ENTREP2: variants seen among roughly 807,000 people sequenced by gnomAD.
ENTREP2 encodes endosomal transmembrane epsin interactor 2, also known as protein ENTREP2.
the ENTREP2 span, among the ~76,000 whole-genome samples, chr15:29,379,460 C>T: frequency 6.6e-6 from 1 of 152,186 alleles, no homozygotes; most frequent in Admixed American, 6.6e-5. Context: ...AACCCCTTCT[C>T]CTCTGCCTGG....
chr15:29,661,109 C>A, the ENTREP2 span, among the ~76,000 whole-genome samples: 1 of 152,128 alleles, frequency 6.6e-6, no homozygotes, highest in Non-Finnish European at 1.5e-5. Flanking sequence ...AATTAGTAAA[C>A]AAGGCCAAAG....
At chr15:29,365,441 T>C in the ENTREP2 span, among the ~76,000 whole-genome samples, 1 of 151,892 alleles carries the variant, frequency 6.6e-6, no homozygotes, top group Non-Finnish European at 1.5e-5. Flanking sequence ...TTAGTAGAGA[T>C]GGGATTTCAC....
the ENTREP2 span, chr15:29,195,378 C>T: frequency 3.1e-6 from 3 of 960,830 alleles, no homozygotes; most frequent in Non-Finnish European, 3.7e-6. Flanking sequence ...TTCCTCCTCT[C>T]CCCAGATCCG....
At chr15:29,535,908 G>C in the ENTREP2 span, among the ~76,000 whole-genome samples, 1 of 152,086 alleles carries the variant, frequency 6.6e-6, no homozygotes, top group Non-Finnish European at 1.5e-5. Context: ...CCAGGAAGAA[G>C]AGTGGAAATC....
chr15:29,337,363 C>T, the ENTREP2 span, among the ~76,000 whole-genome samples: 1 of 152,108 alleles, frequency 6.6e-6, no homozygotes, highest in South Asian at 2.1e-4. Context: ...AAAGCTCCAC[C>T]TCAGAGAGCT....
At chr15:29,342,886 G>C in the ENTREP2 span, among the ~76,000 whole-genome samples, 1 of 152,008 alleles carries the variant, frequency 6.6e-6, no homozygotes, top group African/African-American at 2.4e-5. Context: ...TCCCAGTTTG[G>C]TACTTTGCTT....
At chr15:29,513,363 T>A in the ENTREP2 span, among the ~76,000 whole-genome samples, 1 of 152,180 alleles carries the variant, frequency 6.6e-6, no homozygotes, top group African/African-American at 2.4e-5. Context: ...CCACTAAAAG[T>A]GGATGTACTC....
the ENTREP2 span, among the ~76,000 whole-genome samples, chr15:29,498,862 T>G: frequency 6.6e-6 from 1 of 152,200 alleles, no homozygotes; most frequent in Non-Finnish European, 1.5e-5. Flanking sequence ...ATGATTATTG[T>G]GTCCTCTTAA....
chr15:29,593,492 T>C, the ENTREP2 span, among the ~76,000 whole-genome samples: 1 of 152,126 alleles, frequency 6.6e-6, no homozygotes, highest in Non-Finnish European at 1.5e-5. Flanking sequence ...CCCCCTCCCA[T>C]AGGCATACCT....
At chr15:29,382,980 C>A in the ENTREP2 span, among the ~76,000 whole-genome samples, 1 of 152,192 alleles carries the variant, frequency 6.6e-6, no homozygotes, top group Non-Finnish European at 1.5e-5. Context: ...CATCTGGGCT[C>A]CTGTGGCTTC....
the ENTREP2 span, among the ~76,000 whole-genome samples, chr15:29,513,516 GAC>G: frequency 6.6e-6 from 1 of 152,202 alleles, no homozygotes; most frequent in South Asian, 2.1e-4. Flanking sequence ...GTGGAGGGAA[GAC>G]ACAGTGTTGA....
the ENTREP2 span, among the ~76,000 whole-genome samples, chr15:29,315,478 C>A: frequency 3.9e-5 from 6 of 152,138 alleles, no homozygotes; most frequent in African/African-American, 1.4e-4. Flanking sequence ...ATACACTTTT[C>A]ATAAGTAGTA....
the ENTREP2 span, among the ~76,000 whole-genome samples, chr15:29,621,412 A>G: frequency 1.3e-5 from 2 of 149,702 alleles, no homozygotes; most frequent in African/African-American, 2.5e-5. Context: ...AGTCCCAGCT[A>G]CTCGGGAGGC....
chr15:29,561,816 A>C, the ENTREP2 span, among the ~76,000 whole-genome samples: 4 of 152,222 alleles, frequency 2.6e-5, no homozygotes, highest in Admixed American at 2.6e-4. Flanking sequence ...ACGGATGTGA[A>C]GTTGAAAGAG....
chr15:29,465,523 C>T, the ENTREP2 span, among the ~76,000 whole-genome samples: 2 of 152,182 alleles, frequency 1.3e-5, no homozygotes, highest in Non-Finnish European at 2.9e-5. Context: ...TAAACACCTT[C>T]TGATACCCTA....
the ENTREP2 span, chr15:29,194,968 A>C: frequency 4.6e-6 from 1 of 217,034 alleles, no homozygotes; most frequent in Non-Finnish European, 7.9e-6. Context: ...TCAGAATGAG[A>C]TCGCAGAGTG....
chr15:29,347,737 T>C, the ENTREP2 span, among the ~76,000 whole-genome samples: 1 of 152,184 alleles, frequency 6.6e-6, no homozygotes, highest in Non-Finnish European at 1.5e-5. Context: ...AGCATTCACA[T>C]GAAGTCCGTC....
chr15:29,178,564 C>T, the ENTREP2 span, among the ~76,000 whole-genome samples: 17 of 151,952 alleles, frequency 1.1e-4, no homozygotes, highest in Non-Finnish European at 2.5e-4. Flanking sequence ...GGAGAATGGG[C>T]CAGTAATCAG....
chr15:29,344,895 G>C, the ENTREP2 span, among the ~76,000 whole-genome samples: 3 of 151,028 alleles, frequency 2.0e-5, no homozygotes, highest in African/African-American at 7.4e-5. Context: ...CTCATGGTGA[G>C]GAGTCTGTGT....
Sources: allele counts gnomAD v4.1 joint callset (sites outside exome capture counted in the v4.1 genomes callset), GRCh38; gene constraint gnomAD v4.1.1; transcripts MANE v1.5; gene names NCBI Gene and HGNC (gene_info 2026-07-23, HGNC 2026-07-21).